LRBA: variants seen among roughly 807,000 people sequenced by gnomAD.
LRBA encodes the protein lipopolysaccharide-responsive and beige-like anchor protein.
In LRBA, 176 loss-of-function variants were observed where a neutral mutation model predicts 330.0. The ratio of observed to expected loss-of-function variants is 0.53; its 90% confidence interval spans 0.47 to 0.60. The LOEUF (loss-of-function observed/expected upper bound fraction) is 0.60, where lower values mean the gene tolerates loss of function less well. Among genes scored for constraint, LRBA ranks in the 20% least tolerant of loss-of-function variants. The pLI is 0.00. For synonymous variants in LRBA, 1,230 were observed against 1,193.0 expected (o/e 1.03, Z -0.64); for missense variants, 3,259 against 3,444.8 (o/e 0.95, Z 1.35).
At chr4:150,853,308 G>A (rs1244315542) in intron 22 of LRBA, among the ~76,000 whole-genome samples, 1 of 152,160 alleles carries the variant, frequency 6.6e-6, no homozygotes, top group Non-Finnish European at 1.5e-5. Flanking sequence ...GATAACACTT[G>A]TTTCAACCGC....
At chr4:150,542,304 T>G (rs1765394209) in intron 40 of LRBA, among the ~76,000 whole-genome samples, 1 of 152,196 alleles carries the variant, frequency 6.6e-6, no homozygotes, top group Non-Finnish European at 1.5e-5. Context: ...CTGGGCAAAC[T>G]AATTAATTTC....
rs549475651 is a variant in LRBA, at chr4:150,357,663, T to A, written c.7195-7504A>T. On this transcript the variant is annotated intron_variant, in intron 47 of 56. Coordinates refer to ENST00000651943, the MANE Select transcript of LRBA (RefSeq NM_001364905.1). ...TAGGGATATTGAGCTTTTTTTTTTT[T>A]TTAAAAAAAACCTTTAGTTTATTAA... Among the ~76,000 whole-genome samples the A allele has an allele frequency of 8.0e-3, 1,200 of 149,232 alleles. 41 individuals carry two copies. The highest frequency in any genetic ancestry group is 0.055 in the Admixed American group (822 of 14,978).
At chr4:150,371,356 C>CTAATTTTTG (rs1740291069) in intron 47 of LRBA, among the ~76,000 whole-genome samples, 10 of 151,652 alleles carry the variant, frequency 6.6e-5, no homozygotes, top group Admixed American at 5.3e-4. Context: ...CCACACCTGG[C>CTAATTTTTG]TAATTTTTGT....
At chr4:150,669,688 C>T (rs1781878410) in intron 37 of LRBA, among the ~76,000 whole-genome samples, 1 of 152,038 alleles carries the variant, frequency 6.6e-6, no homozygotes, top group African/African-American at 2.4e-5. Flanking sequence ...GCCTCAGCCT[C>T]CCGAGTAGCT....
At chr4:150,894,808 A>T (rs969188633) in intron 16 of LRBA, among the ~76,000 whole-genome samples, 8 of 152,194 alleles carry the variant, frequency 5.3e-5, no homozygotes, top group Non-Finnish European at 1.2e-4. Flanking sequence ...CCTTAGGGTT[A>T]ATAAAAACAA....
intron 40 of LRBA, among the ~76,000 whole-genome samples, chr4:150,531,647 T>C (rs1391864868): frequency 1.3e-5 from 2 of 152,132 alleles, no homozygotes; most frequent in Non-Finnish European, 2.9e-5. Context: ...GATGAATGAG[T>C]GGATAGGCAC....
chr4:150,809,909 CGA>C (rs1743442667), intron 31 of LRBA, among the ~76,000 whole-genome samples: 2 of 151,114 alleles, frequency 1.3e-5, no homozygotes, highest in African/African-American at 4.9e-5. Context: ...CGATACGATA[CGA>C]TACGATACGA....
intron 2 of LRBA, among the ~76,000 whole-genome samples, chr4:150,963,335 G>A (rs1738392873): frequency 6.7e-6 from 1 of 149,380 alleles, no homozygotes; most frequent in Non-Finnish European, 1.5e-5. Flanking sequence ...GCAGGCATGC[G>A]CCACCACACC....
At chr4:150,373,609 C>G (rs1316663456) in intron 47 of LRBA, among the ~76,000 whole-genome samples, 4 of 152,184 alleles carry the variant, frequency 2.6e-5, no homozygotes, top group Non-Finnish European at 4.4e-5. Context: ...CTATCTTCAG[C>G]TGACCCTCAA....
intron 40 of LRBA, among the ~76,000 whole-genome samples, chr4:150,586,132 G>A (rs1772086337): frequency 6.6e-6 from 1 of 152,064 alleles, no homozygotes; most frequent in African/African-American, 2.4e-5. Context: ...ATTCTCTGGG[G>A]AAAATGTTCT....
intron 53 of LRBA, among the ~76,000 whole-genome samples, chr4:150,295,754 C>T (rs142712093): frequency 6.6e-6 from 1 of 152,330 alleles, no homozygotes; most frequent in East Asian, 1.9e-4. Context: ...CTTAGCAATA[C>T]AAAGAGTGTA....
At chr4:150,880,226 C>T (rs536803383) in intron 17 of LRBA, among the ~76,000 whole-genome samples, 46 of 152,296 alleles carry the variant, frequency 3.0e-4, no homozygotes, top group African/African-American at 1.1e-3. Flanking sequence ...TTACCTTTCA[C>T]CATACAAAAC....
intron 36 of LRBA, among the ~76,000 whole-genome samples, chr4:150,699,395 T>C (rs952931079): frequency 6.6e-6 from 1 of 152,128 alleles, no homozygotes; most frequent in Non-Finnish European, 1.5e-5. Context: ...GAGGTCTATG[T>C]CCACGCTTTG....
chr4:150,281,183 C>G (rs982600214), intron 55 of LRBA, among the ~76,000 whole-genome samples: 3 of 152,140 alleles, frequency 2.0e-5, no homozygotes, highest in Admixed American at 2.0e-4. Flanking sequence ...AATCGCAACT[C>G]AAAGTGACAG....
At chr4:150,420,246 C>T (rs1168774984) in intron 46 of LRBA, among the ~76,000 whole-genome samples, 3 of 146,208 alleles carry the variant, frequency 2.1e-5, no homozygotes, top group South Asian at 2.1e-4. Context: ...AAAAAAAATA[C>T]ATATATATTA....
chr4:150,366,411 T>C (rs371240024), intron 47 of LRBA, among the ~76,000 whole-genome samples: 6 of 152,354 alleles, frequency 3.9e-5, no homozygotes, highest in East Asian at 1.9e-4. Flanking sequence ...GATGCAGTTA[T>C]AGGTCAGAAT....
chr4:150,596,947 G>A (rs1426897917), intron 38 of LRBA: 6 of 465,656 alleles, frequency 1.3e-5, no homozygotes, highest in Admixed American at 8.3e-5. Context: ...ATATATCTCT[G>A]AAATTGTAAG....
intron 54 of LRBA, among the ~76,000 whole-genome samples, chr4:150,285,252 A>G (rs1239432315): frequency 2.0e-5 from 3 of 152,238 alleles, no homozygotes; most frequent in Admixed American, 2.0e-4. Context: ...TTCAGCTCAG[A>G]GCAGAGACAG....
intron 47 of LRBA, among the ~76,000 whole-genome samples, chr4:150,376,559 T>C (rs970452079): frequency 6.6e-6 from 1 of 152,130 alleles, no homozygotes; most frequent in Non-Finnish European, 1.5e-5. Context: ...TAAACCATGG[T>C]TGTAATGTGT....
Sources: gnomAD v4.1 joint callset for allele counts (sites outside exome capture counted in the v4.1 genomes callset) on GRCh38, gnomAD v4.1.1 for gene constraint, MANE v1.5 for transcripts, NCBI Gene and HGNC (gene_info 2026-07-23, HGNC 2026-07-21) for gene names.